Variants in RGS7 observed in about 807,000 individuals in gnomAD.
RGS7 encodes the protein regulator of G-protein signaling 7.
RGS7 carries 27 observed loss-of-function variants against 81.1 expected under a neutral mutation model. The ratio of observed to expected loss-of-function variants is 0.33; its 90% CI spans 0.25 to 0.46. The LOEUF (loss-of-function observed/expected upper bound fraction) is 0.46, where lower values mean the gene tolerates loss of function less well. RGS7 is among the 20% of genes least tolerant of loss of function. The pLI is 1.00. For missense variants in RGS7, 396 were observed against 607.4 expected (o/e 0.65, Z 3.66); for synonymous variants, 208 against 207.7 (o/e 1.00, Z -0.01).
chr1:240,817,355 C>T (rs1690986637), intron 10 of RGS7, among the ~76,000 whole-genome samples: 1 of 152,074 alleles, frequency 6.6e-6, no homozygotes, highest in Non-Finnish European at 1.5e-5. Context: ...AAAATTAGTA[C>T]CAGATAAAGT....
intron 2 of RGS7, among the ~76,000 whole-genome samples, chr1:241,118,892 A>G (rs2066051572): frequency 6.6e-6 from 1 of 152,150 alleles, no homozygotes; most frequent in Non-Finnish European, 1.5e-5. Flanking sequence ...GGACTCCAAA[A>G]GGAGGCAAGG....
At chr1:240,945,017 T>C (rs1280212204) in intron 4 of RGS7, among the ~76,000 whole-genome samples, 1 of 152,226 alleles carries the variant, frequency 6.6e-6, no homozygotes, top group Non-Finnish European at 1.5e-5. Context: ...GCCAAGTCAC[T>C]TCCTTTCTTA....
At chr1:241,110,300 A>T (rs1329250723) in intron 2 of RGS7, among the ~76,000 whole-genome samples, 4 of 152,196 alleles carry the variant, frequency 2.6e-5, no homozygotes, top group Admixed American at 1.3e-4. Flanking sequence ...GAGAGACCAC[A>T]GTTCCTGACA....
At chr1:240,990,530 GT>G (rs1686310921) in intron 3 of RGS7, among the ~76,000 whole-genome samples, 1 of 152,164 alleles carries the variant, frequency 6.6e-6, no homozygotes, top group African/African-American at 2.4e-5. Context: ...ATGATTTTGT[GT>G]TTTTATGAGT....
chr1:241,039,565 CT>C (rs10534818), intron 3 of RGS7, among the ~76,000 whole-genome samples: 10,573 of 147,176 alleles, frequency 0.072, 550 homozygotes, highest in African/African-American at 0.14. Context: ...GAACTCATTT[CT>C]TTTTTTTTTT....
intron 4 of RGS7, among the ~76,000 whole-genome samples, chr1:240,948,608 A>G (rs1226794135): frequency 6.6e-6 from 1 of 151,762 alleles, no homozygotes; most frequent in East Asian, 1.9e-4. Context: ...AAGCCTGGCT[A>G]ATTTTTATAA....
Position 241,244,964 on chromosome 1 carries a change from G to C in RGS7, c.78+110735C>G, listed in dbSNP as rs879799948. On this transcript the variant is annotated intron_variant, in intron 2 of 18. Coordinates refer to ENST00000440928, the MANE Select transcript of RGS7 (RefSeq NM_001364886.1). ...ACACACCAGGGCCTGTTGTAGGTTG[G>C]GGGGAGGGGGGAGGGATAGCATTAG... is the stretch of plus-strand genomic sequence containing the variant. Among the ~76,000 whole-genome samples, 8 of 138,782 alleles carry C rather than the reference G, an allele frequency of 5.8e-5. No individual in the cohort carries two copies. The East Asian group carries it at 6.9e-4, about 12-fold the overall frequency. 91.0% of individuals were successfully genotyped at this position (138,782 alleles called of 152,430 possible).
At chr1:241,090,509 C>T (rs747456772) in intron 3 of RGS7, among the ~76,000 whole-genome samples, 30 of 152,102 alleles carry the variant, frequency 2.0e-4, no homozygotes, top group Non-Finnish European at 4.1e-4. Flanking sequence ...GAATTAGAAA[C>T]ATACATTTAG....
At chr1:240,794,746 G>A (rs1466360518) in intron 18 of RGS7, among the ~76,000 whole-genome samples, 1 of 152,174 alleles carries the variant, frequency 6.6e-6, no homozygotes, top group Non-Finnish European at 1.5e-5. Flanking sequence ...AGCTGGGCTG[G>A]GGCTGTGATT....
chr1:241,185,334 A>C (rs1322081526), intron 2 of RGS7, among the ~76,000 whole-genome samples: 1 of 152,196 alleles, frequency 6.6e-6, no homozygotes, highest in Non-Finnish European at 1.5e-5. Context: ...GAGGTTCAAA[A>C]TTCATGAAGC....
chr1:241,078,162 TATATATTA>T (rs1046686789), intron 3 of RGS7, among the ~76,000 whole-genome samples: 5 of 148,874 alleles, frequency 3.4e-5, no homozygotes, highest in African/African-American at 1.2e-4. Flanking sequence ...ACAGAAATAT[TATATATTA>T]ATATATAAAT....
rs570053359 is a variant in RGS7 at position 240,854,306 on chromosome 1, T to C, written c.609+14281A>G. On this transcript the variant is annotated intron_variant, in intron 9 of 18. Transcript: ENST00000440928. ...TAAATCTCAAACTTTTTTTCTCCCC[T>C]CTTGGTCATCTATTCCCAGTTTGCT... 2.0e-5 allele frequency among the ~76,000 whole-genome samples: 3 copies of C among 152,318 alleles called. No homozygotes were observed. The South Asian group carries it at 6.2e-4, about 32-fold the overall frequency.
intron 2 of RGS7, among the ~76,000 whole-genome samples, chr1:241,338,182 C>G (rs917903126): frequency 1.3e-5 from 2 of 152,164 alleles, no homozygotes; most frequent in Non-Finnish European, 2.9e-5. Context: ...AAATCCAACT[C>G]AGGAGGAACT....
At chr1:240,800,804 A>C (rs578034324) in intron 17 of RGS7, 83 bp from the exon 18 acceptor site, 1 of 701,724 alleles carries the variant, frequency 1.4e-6, no homozygotes, top group Non-Finnish European at 2.4e-6. Context: ...CAATACAAAA[A>C]AAAGAATCTT....
At chr1:241,029,448 T>A (rs947625116) in intron 3 of RGS7, among the ~76,000 whole-genome samples, 1 of 152,220 alleles carries the variant, frequency 6.6e-6, no homozygotes, top group Non-Finnish European at 1.5e-5. Context: ...TGGTGACAAG[T>A]CAAACATTTT....
In RGS7 at chr1:241,144,284, T is replaced by C. The variant is rs181845497; in HGVS notation, c.79-45522A>G. Among the ~76,000 whole-genome samples the C allele has an allele frequency of 6.6e-6, 1 of 152,274 alleles. No individual in the cohort carries two copies. The highest frequency in any genetic ancestry group is 1.9e-4 in the East Asian group (1 of 5,182). On this transcript the variant is annotated intron_variant, in intron 2 of 18. Coordinates refer to ENST00000440928, the MANE Select transcript of RGS7 (RefSeq NM_001364886.1). The surrounding 1 kb of genome is among the most constrained non-coding windows in gnomAD (Gnocchi z 4.7). ...GCATATGTTGTTTATTTCTCTGCTG[T>C]TTATACCAAACTTTTCCTGCAAACG... is the stretch of plus-strand genomic sequence containing the variant.
At chr1:240,819,643 C>A (rs1691427710) in intron 10 of RGS7, among the ~76,000 whole-genome samples, 2 of 152,152 alleles carry the variant, frequency 1.3e-5, no homozygotes, top group African/African-American at 4.8e-5. Context: ...GAGGCTGAGG[C>A]AGGAGAATCA....
chr1:241,213,596 C>T (rs2074376777), intron 2 of RGS7, among the ~76,000 whole-genome samples: 1 of 151,980 alleles, frequency 6.6e-6, no homozygotes, highest in African/African-American at 2.4e-5. Context: ...TTTGAATTAA[C>T]ATTAGACCAC....
chr1:241,343,767 A>T (rs973006664), intron 2 of RGS7, among the ~76,000 whole-genome samples: 1 of 152,210 alleles, frequency 6.6e-6, no homozygotes, highest in Non-Finnish European at 1.5e-5. Context: ...CTAGAGATGG[A>T]TGGTGATAAT....
Sources: gnomAD v4.1 joint callset for allele counts (sites outside exome capture counted in the v4.1 genomes callset) on GRCh38, gnomAD v4.1.1 for gene constraint, Gnocchi (gnomAD v3.1) non-coding constraint, MANE v1.5 for transcripts, NCBI Gene and HGNC (gene_info 2026-07-23, HGNC 2026-07-21) for gene names.